Variants in CDC45 observed in about 807,000 individuals in gnomAD.
CDC45 encodes cell division control protein 45 homolog.
A neutral mutation model predicts 77.8 loss-of-function variants in CDC45; 54 were observed. The ratio of observed to expected loss-of-function variants is 0.69; its 90% CI spans 0.56 to 0.87. The LOEUF (loss-of-function observed/expected upper bound fraction) is 0.87. Ranked by LOEUF, CDC45 falls within the 40% of genes least tolerant of loss-of-function variation. CDC45 has a pLI of 0.00. For synonymous variants in CDC45, 260 were observed against 272.1 expected (o/e 0.96, Z 0.44); for missense variants, 649 against 721.6 (o/e 0.90, Z 1.15).
At chr22:19,504,398 C>T (rs13447241) in intron 9 of CDC45, among the ~76,000 whole-genome samples, 4,362 of 152,256 alleles carry the variant, frequency 0.029, 217 homozygotes, top group African/African-American at 0.099. Context: ...CTCCCAGATT[C>T]AAGTGATTCT....
intron 5 of CDC45, among the ~76,000 whole-genome samples, chr22:19,488,546 C>T (rs1049133219): frequency 7.2e-5 from 11 of 152,346 alleles, no homozygotes; most frequent in African/African-American, 2.6e-4. Context: ...TCCCGACCAG[C>T]CTTGGAGTAC....
intron 3 of CDC45, 74 bp from the exon 4 acceptor site, chr22:19,482,616 A>T: frequency 6.6e-7 from 1 of 1,507,748 alleles, no homozygotes; most frequent in Non-Finnish European, 9.1e-7. Flanking sequence ...AAGCAGAACA[A>T]CTCAGAGGCT....
At chr22:19,481,711 A>C (rs911130227) in intron 3 of CDC45, among the ~76,000 whole-genome samples, 1 of 150,348 alleles carries the variant, frequency 6.7e-6, no homozygotes, top group Non-Finnish European at 1.5e-5. Context: ...TCGCTTTGTC[A>C]CTCAGGCTGG....
At chr22:19,516,382 C>T (rs1244023422) in intron 15 of CDC45, 145 bp from the exon 16 acceptor site, 1 of 703,000 alleles carries the variant, frequency 1.4e-6, no homozygotes, top group Non-Finnish European at 2.5e-6. Context: ...CTTGGGGTGG[C>T]TGGGTGGGGA....
At chr22:19,504,499 A>C (rs1408646560) in intron 9 of CDC45, among the ~76,000 whole-genome samples, 1 of 152,038 alleles carries the variant, frequency 6.6e-6, no homozygotes, top group Non-Finnish European at 1.5e-5. Flanking sequence ...GGGTTTCTTC[A>C]TGTTGGTCAG....
At chr22:19,500,418 T>A (rs2090319989) in intron 9 of CDC45, among the ~76,000 whole-genome samples, 1 of 152,178 alleles carries the variant, frequency 6.6e-6, no homozygotes, top group South Asian at 2.1e-4. Flanking sequence ...GCGTGCTCTC[T>A]GCCTGCTTCC....
intron 5 of CDC45, among the ~76,000 whole-genome samples, chr22:19,494,105 C>T (rs1370378056): frequency 6.6e-6 from 1 of 152,116 alleles, no homozygotes; most frequent in Admixed American, 6.5e-5. Context: ...TCTTTCTGCC[C>T]ATGGTGTCTG....
At chr22:19,493,234 T>TG (rs1601940969) in intron 5 of CDC45, among the ~76,000 whole-genome samples, 5 of 135,666 alleles carry the variant, frequency 3.7e-5, no homozygotes, top group East Asian at 2.6e-4. Flanking sequence ...TGGGTTTTTT[T>TG]TTTTGTTGTT....
At chr22:19,504,731 C>T (rs958648346) in intron 9 of CDC45, among the ~76,000 whole-genome samples, 1 of 152,116 alleles carries the variant, frequency 6.6e-6, no homozygotes, top group Non-Finnish European at 1.5e-5. Context: ...CTCGTGGGGT[C>T]CTTCGGAGCA....
chr22:19,519,013 C>T (rs1316798839), intron 18 of CDC45, 104 bp downstream of exon 18: 3 of 856,320 alleles, frequency 3.5e-6, no homozygotes, highest in Non-Finnish European at 5.9e-6. Flanking sequence ...ACTTGGGTTT[C>T]AGACCGAAGC....
chr22:19,479,471 G>A (rs904930877), upstream of CDC45: 1 of 630,718 alleles, frequency 1.6e-6, no homozygotes, highest in Non-Finnish European at 2.9e-6. Flanking sequence ...TACCCAGACT[G>A]CCTCTGCTTC....
intron 7 of CDC45, among the ~76,000 whole-genome samples, chr22:19,496,706 G>A (rs369650820): frequency 1.7e-4 from 26 of 152,282 alleles, no homozygotes; most frequent in African/African-American, 6.3e-4. Context: ...GATATATGGG[G>A]CCAGTTCCCT....
chr22:19,517,459 T>C (rs535745627), intron 17 of CDC45, among the ~76,000 whole-genome samples: 12 of 152,254 alleles, frequency 7.9e-5, no homozygotes, highest in Admixed American at 1.3e-4. Context: ...CACATTCGGC[T>C]GTGTTGGCGT....
intron 9 of CDC45, chr22:19,505,091 G>T: frequency 2.1e-6 from 1 of 473,580 alleles, no homozygotes; most frequent in South Asian, 2.2e-5. Flanking sequence ...ATGGGCTGTG[G>T]CCTCTGCGGT....
intron 5 of CDC45, among the ~76,000 whole-genome samples, chr22:19,486,241 A>G (rs1240251323): frequency 3.9e-5 from 6 of 152,256 alleles, no homozygotes; most frequent in Non-Finnish European, 5.9e-5. Flanking sequence ...GAATAAGGAC[A>G]TTCTTCCCCA....
At chr22:19,501,673 C>G (rs1932906355) in intron 9 of CDC45, among the ~76,000 whole-genome samples, 1 of 152,170 alleles carries the variant, frequency 6.6e-6, no homozygotes, top group Non-Finnish European at 1.5e-5. Flanking sequence ...CTTATGAAAA[C>G]TGAGAGACAA....
In CDC45 at chr22:19,504,768, C is replaced by T. The variant is rs13447246; in HGVS notation, c.705-594C>T. 5.1e-3 allele frequency among the ~76,000 whole-genome samples: 774 copies of T among 152,216 alleles called. 4 individuals carry two copies. Among genetic ancestry groups the T allele is most frequent in the African/African-American group, 0.016 (680 of 41,528 alleles). On this transcript the variant is annotated intron_variant, in intron 9 of 18. Coordinates refer to ENST00000263201, the MANE Select transcript of CDC45 (RefSeq NM_003504.5). ...CTCAGTCAGTAGCTCCATCAGTATA[C>T]AGGACCCAAAGGAATATCTCAAAGG... is the stretch of plus-strand genomic sequence containing the variant.
At chr22:19,506,970 C>T (rs779770612) in intron 10 of CDC45, among the ~76,000 whole-genome samples, 4 of 151,032 alleles carry the variant, frequency 2.6e-5, no homozygotes, top group Non-Finnish European at 4.4e-5. Flanking sequence ...AGGATGGGGG[C>T]GCTTCGTGGA....
intron 13 of CDC45, among the ~76,000 whole-genome samples, chr22:19,512,254 G>C (rs2146430473): frequency 6.6e-6 from 1 of 152,128 alleles, no homozygotes; most frequent in South Asian, 2.1e-4. Context: ...ACTTTCCCTT[G>C]GCCCACTGCA....
Sources: allele counts gnomAD v4.1 joint callset (sites outside exome capture counted in the v4.1 genomes callset), GRCh38; gene constraint gnomAD v4.1.1; transcripts MANE v1.5; gene names NCBI Gene and HGNC (gene_info 2026-07-23, HGNC 2026-07-21).